The following PKD1 variants were observed in gnomAD, a reference collection of about 807,000 sequenced individuals.
PKD1 encodes the protein polycystin 1, transient receptor potential channel interacting, also known as polycystin-1.
Under a neutral mutation model 361.7 loss-of-function variants are expected in PKD1, and 81 were observed. The observed-to-expected ratio is 0.22, with a 90% CI of 0.19 to 0.27. The LOEUF is 0.27. PKD1 is among the 10% of genes least tolerant of loss of function. The pLI, the probability that PKD1 is intolerant of heterozygous loss-of-function variation, is 1.00. For missense variants in PKD1, 6,399 were observed against 6,118.3 expected, an observed-to-expected ratio of 1.05 and a Z score of -1.53; for synonymous variants, 3,615 against 2,818.3, an observed-to-expected ratio of 1.28 and a Z score of -8.95.
rs1300865237 is a variant in PKD1 at position 2,119,333 on chromosome 16, C to A, written c.261G>T (p.Leu87=). Residue 87 remains leucine, a synonymous_variant, in exon 2 of 46, where the codon CTG becomes CTT. Coordinates refer to ENST00000262304, the MANE Select transcript of PKD1 (RefSeq NM_001009944.3). The part of the protein sequence containing the change: ...NLLRALDVGL[L]ANLSALAELD... ...GCTCTGCCAGCGCCGAGAGGTTCGC[C>A]AGGAGCCCAACGTCCAGCGCCCGGA... The A allele has an allele frequency of 1.4e-6, 2 of 1,384,358 alleles. No individual in the cohort carries two copies. Among genetic ancestry groups the A allele is most frequent in the Non-Finnish European group, 2.0e-6 (2 of 1,010,348 alleles). 85.8% of individuals were successfully genotyped at this position (1,384,358 alleles called of 1,614,324 possible). A position where few individuals can be genotyped will look rare whatever the true frequency, so the allele number is the denominator to read the frequency against.
At position 2,090,516 on chromosome 16, in the gene PKD1, G is replaced by A. The variant is rs771167402; in HGVS notation, c.12213C>T (p.Leu4071=). ...AGGACTCGGCAGGACACAGGGTAGA[G>A]AGCCCAGTCCCAGGGCACAGCACCA... ...ALLVLCPGTG[L]STLCPAESWH... Residue 4071 remains leucine, a synonymous_variant, in exon 45 of 46, where the codon CTC becomes CTT. Coordinates refer to ENST00000262304, the MANE Select transcript of PKD1 (RefSeq NM_001009944.3). The A allele has an allele frequency of 6.2e-6, 10 of 1,611,064 alleles. No individual in the cohort carries two copies. Among genetic ancestry groups the A allele is most frequent in the Non-Finnish European group, 7.6e-6 (9 of 1,179,488 alleles).
intron 1 of PKD1, among the ~76,000 whole-genome samples, chr16:2,123,261 C>T (rs965318090): frequency 6.6e-6 from 1 of 152,084 alleles, no homozygotes; most frequent in Non-Finnish European, 1.5e-5. Context: ...CCCGCTCGGC[C>T]GAGCTCCCAG....
At position 2,114,935 on chromosome 16, in the gene PKD1, G is replaced by A. The variant is rs561391461; in HGVS notation, c.2098-10C>T. On this transcript the variant is annotated splice_polypyrimidine_tract_variant and intron_variant, in intron 10 of 45. Transcript: ENST00000262304. Reference sequence around the variant, plus strand: ...GGCCGTGGAGGGTGACCTGTGGAGAGGGAGGCAGGGCTGCATCACGTCCTC... The same window carrying A: ...GGCCGTGGAGGGTGACCTGTGGAGAAGGAGGCAGGGCTGCATCACGTCCTC... 2.0e-4 allele frequency: 302 copies of A among 1,529,476 alleles called. 3 individuals carry two copies. The East Asian group carries it at 6.1e-3, about 31-fold the overall frequency. 94.7% of individuals were successfully genotyped at this position (1,529,476 alleles called of 1,614,324 possible). A position where few individuals can be genotyped will look rare whatever the true frequency, so the allele number is the denominator to read the frequency against.
At chr16:2,107,687 G>A (rs983082128) in intron 16 of PKD1, 196 bp downstream of exon 16, 9 of 651,718 alleles carry the variant, frequency 1.4e-5, no homozygotes, top group Non-Finnish European at 1.9e-5. Flanking sequence ...TATGTGGCTT[G>A]AAGACTGTAC....
rs1293754672 is a variant in PKD1 at position 2,092,513 on chromosome 16, G to C, written c.11236C>G (p.Pro3746Ala). 1.9e-6 allele frequency: 3 copies of C among 1,611,798 alleles called. No homozygotes were observed. In the Admixed American group the frequency reaches 5.0e-5, roughly 27 times the overall value. The change falls in exon 39 of 46, where the codon CCC becomes GCC. Residue 3746 changes from proline to alanine, a missense_variant. Coordinates refer to ENST00000262304, the MANE Select transcript of PKD1 (RefSeq NM_001009944.3). ...HGNQSSPELG[P>A]PRLRQVRLQE... is the part of the protein sequence containing the mutation. ...AGCCGCACCTGCCGCAGCCGTGGGG[G>C]CCCCAGCTCTGGGCTGGACTGGTTC...
rs551517915 is a variant in PKD1, at chr16:2,127,799, C to T, written c.215+7676G>A. ...AGAGGTGGAGGCGCTGGGACGTGAA[C>T]CCAGGTCTGACTCCAGGGCGCAAAT... On this transcript the variant is annotated intron_variant, in intron 1 of 45. Coordinates refer to ENST00000262304, the MANE Select transcript of PKD1 (RefSeq NM_001009944.3). Among the ~76,000 whole-genome samples the T allele has an allele frequency of 3.6e-3, 549 of 150,958 alleles. 2 individuals carry two copies. Among genetic ancestry groups the T allele is most frequent in the African/African-American group, 0.013 (530 of 41,042 alleles).
Position 2,106,065 on chromosome 16 carries a change from G to A in PKD1, c.7703+26C>T, listed in dbSNP as rs1233949702. 6.2e-7 allele frequency: 1 copy of A among 1,602,484 alleles called. No individual in the cohort carries two copies. Among genetic ancestry groups the A allele is most frequent in the East Asian group, 2.2e-5 (1 of 44,616 alleles). On this transcript the variant is annotated intron_variant, in intron 19 of 45. Transcript: ENST00000262304. This position sits in a 1 kb window ranked among gnomAD's most constrained non-coding sequence, Gnocchi z 6.5. ...GGTGGTGAGCAGGTGGCAGTCTCGGGGGCGCCCTCCCACGGCCTGGCTCAC... is the reference window on the plus strand; with the variant it reads ...GGTGGTGAGCAGGTGGCAGTCTCGGAGGCGCCCTCCCACGGCCTGGCTCAC...
intron 1 of PKD1, chr16:2,123,637 G>A (rs2092756026): frequency 2.1e-5 from 9 of 419,360 alleles, no homozygotes; most frequent in South Asian, 1.5e-4. Flanking sequence ...CTGCCCCCAC[G>A]TTCTGGTTCC....
chr16:2,088,769 G>C lies in PKD1; in HGVS notation c.*958C>G, dbSNP rs534381681. On this transcript the variant is annotated 3_prime_UTR_variant, in exon 46 of 46. Transcript: ENST00000262304. ...TTGGTGCGGGGGTTGGGGGGGTGTC[G>C]AGGCTCTAGAAGCGGCCATGCCCAC... The C allele has an allele frequency of 2.9e-6, 3 of 1,050,572 alleles. No homozygotes were observed. Among genetic ancestry groups the C allele is most frequent in the South Asian group, 3.2e-5 (2 of 62,070 alleles). The allele number at this position is 1,050,572 out of a possible 1,614,324, so 65.1% of individuals were successfully genotyped here.
chr16:2,102,712 C>G (rs2092147214), intron 24 of PKD1, 79 bp from the exon 25 acceptor site: 3 of 1,606,654 alleles, frequency 1.9e-6, no homozygotes, highest in Non-Finnish European at 8.5e-7. Flanking sequence ...CATACCCGGT[C>G]CAGTCCCCTC....
In PKD1 at chr16:2,089,419, G is replaced by C. The variant is rs925181097; in HGVS notation, c.*308C>G. On this transcript the variant is annotated 3_prime_UTR_variant, in exon 46 of 46. Coordinates refer to ENST00000262304, the MANE Select transcript of PKD1 (RefSeq NM_001009944.3). ...CTTAGCAGTGGGGGACATCTGCCCA[G>C]GGGGTGGGGCCGGGCACAGCCCGCT... 3 of 469,290 alleles carry C rather than the reference G, an allele frequency of 6.4e-6. No individual in the cohort carries two copies. Among genetic ancestry groups the C allele is most frequent in the Non-Finnish European group, 1.2e-5 (3 of 258,558 alleles). 29.1% of individuals were successfully genotyped at this position (469,290 alleles called of 1,614,324 possible).
chr16:2,122,226 A>C (rs569377102), intron 1 of PKD1, among the ~76,000 whole-genome samples: 2 of 152,338 alleles, frequency 1.3e-5, no homozygotes, highest in South Asian at 4.1e-4. Context: ...GACAGATGAG[A>C]CGCTGGGCAC....
In PKD1 at chr16:2,090,354, C is replaced by T. The variant is rs754877050; in HGVS notation, c.12375G>A (p.Gln4125=). 9.9e-6 allele frequency: 16 copies of T among 1,612,466 alleles called. No individual in the cohort carries two copies. In the Admixed American group the frequency reaches 2.5e-4, roughly 25 times the overall value. Reference sequence around the variant, plus strand: ...GGAACAACTCCACCATCTCGTAGTCCTGGGGCTCCCAGGCCGGCCGGTACA... The same window carrying T: ...GGAACAACTCCACCATCTCGTAGTCTTGGGGCTCCCAGGCCGGCCGGTACA... ...GELYRPAWEP[Q]DYEMVELFLR... The change falls in exon 45 of 46, where the codon CAG becomes CAA. Residue 4125 remains glutamine, a synonymous_variant. Transcript: ENST00000262304.
At chr16:2,113,369 C>G in intron 11 of PKD1, 77 bp from the exon 12 acceptor site, 1 of 1,409,832 alleles carries the variant, frequency 7.1e-7, no homozygotes. Flanking sequence ...ACACACCTCC[C>G]GTCGGGCTGG....
intron 34 of PKD1, 99 bp from the exon 35 acceptor site, chr16:2,094,309 G>A (rs2091748867): frequency 3.9e-6 from 3 of 759,616 alleles, no homozygotes; most frequent in East Asian, 2.6e-5. Flanking sequence ...GAGCCTCTTG[G>A]GTCACAGGGT....
In PKD1 at chr16:2,117,867, G is replaced by A. The variant is rs533107858; in HGVS notation, c.1125C>T (p.Leu375=). The A allele has an allele frequency of 4.7e-6, 6 of 1,273,476 alleles. No homozygotes were observed. The African/African-American group carries it at 5.9e-5, about 12-fold the overall frequency. The allele number at this position is 1,273,476 out of a possible 1,614,324, so 78.9% of individuals were successfully genotyped here. A position where few individuals can be genotyped will look rare whatever the true frequency, so the allele number is the denominator to read the frequency against. ...SSVQSDESLD[L]SIQNRGGSGL... ...CTGAACCACCGCGGTTCTGGATGCTGAGGTCGAGGCTCTCGTCACTCTGCA... is the reference window on the plus strand; with the variant it reads ...CTGAACCACCGCGGTTCTGGATGCTAAGGTCGAGGCTCTCGTCACTCTGCA... Residue 375 remains leucine (L), a synonymous_variant, in exon 5 of 46, where the codon CTC becomes CTT. Transcript: ENST00000262304.
chr16:2,093,141 G>A, intron 37 of PKD1, 48 bp from the exon 38 acceptor site: 1 of 1,607,214 alleles, frequency 6.2e-7, no homozygotes, highest in African/African-American at 1.3e-5. Context: ...AGCCCACAGT[G>A]ACAGCAGGGC....
chr16:2,107,638 G>A (rs1296626298), intron 16 of PKD1: 4 of 592,190 alleles, frequency 6.8e-6, no homozygotes, highest in South Asian at 5.5e-5. Context: ...CTCACTGTTG[G>A]TATTGCTAGG....
chr16:2,088,865 T>TCG lies in PKD1; in HGVS notation c.*860_*861dup, dbSNP rs1178168657. ...AGGCTGCCTGGGCCATACAGCACAC[T>TCG]CGCGCGTGCGCGCGCGCACACACAC... On this transcript the variant is annotated 3_prime_UTR_variant, in exon 46 of 46. Transcript: ENST00000262304. 1.9e-6 allele frequency: 1 copy of TCG among 526,582 alleles called. No individual in the cohort carries two copies. Among genetic ancestry groups the TCG allele is most frequent in the Non-Finnish European group, 3.3e-6 (1 of 300,666 alleles). The allele number at this position is 526,582 out of a possible 1,614,324, so 32.6% of individuals were successfully genotyped here.
Sources: allele counts gnomAD v4.1 joint callset (sites outside exome capture counted in the v4.1 genomes callset), GRCh38; gene constraint gnomAD v4.1.1; non-coding constraint Gnocchi (gnomAD v3.1); transcripts MANE v1.5; gene names NCBI Gene and HGNC (gene_info 2026-07-23, HGNC 2026-07-21).